Variants in ZFHX3 observed in about 807,000 individuals in gnomAD.
ZFHX3 encodes the protein zinc finger homeobox protein 3.
In ZFHX3, 42 loss-of-function variants were observed where a neutral mutation model predicts 279.1. The ratio of observed to expected loss-of-function variants is 0.15; its 90% CI spans 0.12 to 0.19. ZFHX3 has a LOEUF of 0.19. Among genes scored for constraint, ZFHX3 ranks in the 10% least tolerant of loss-of-function variants. ZFHX3 has a pLI of 1.00. For missense variants in ZFHX3, 4,981 were observed against 4,754.0 expected (o/e 1.05, Z -1.40); for synonymous variants, 2,293 against 1,957.8 (o/e 1.17, Z -4.52).
intron 7 of ZFHX3, chr16:73,099,245 A>G (rs1782857165): frequency 6.6e-6 from 1 of 152,214 alleles, no homozygotes; most frequent in Non-Finnish European, 1.5e-5. Context: ...CCTCTTATCT[A>G]TGTGTTCACA....
At chr16:72,841,744 C>T (rs2037350938) in intron 4 of ZFHX3, among the ~76,000 whole-genome samples, 1 of 152,192 alleles carries the variant, frequency 6.6e-6, no homozygotes, top group African/African-American at 2.4e-5. Context: ...GTTTCTCAGA[C>T]CTAAGAACAG....
intron 7 of ZFHX3, among the ~76,000 whole-genome samples, chr16:73,121,692 T>C (rs1012848423): frequency 9.3e-5 from 14 of 151,264 alleles, no homozygotes; most frequent in Admixed American, 8.6e-4. Flanking sequence ...CTCGGCTCAC[T>C]GCAAGCTCTG....
In ZFHX3 at chr16:72,811,967, T is replaced by C. The variant is rs1458605714; in HGVS notation, c.3601A>G (p.Ser1201Gly). The C allele has an allele frequency of 6.2e-7, 1 of 1,614,184 alleles. No individual in the cohort carries two copies. Among genetic ancestry groups the C allele is most frequent in the South Asian group, 1.1e-5 (1 of 91,086 alleles). ...ATSKRISFPG[S>G]SESPLSSKRP... Reference sequence around the variant, plus strand: ...TTCGAAGAGAGGGGAGACTCTGAGCTACCTGGGAAGGAGATGCGTTTGGAG... The same window carrying C: ...TTCGAAGAGAGGGGAGACTCTGAGCCACCTGGGAAGGAGATGCGTTTGGAG... Residue 1201 changes from serine to glycine, a missense_variant, in exon 6 of 10, where the codon AGC becomes GGC. Around this residue, in one of 7 missense-constraint regions of ZFHX3, gnomAD observed 1,751 missense variants for 1,770.0 expected, o/e 0.99. Transcript: ENST00000268489.
At chr16:73,516,703 T>G (rs1003694649) in intron 2 of ZFHX3, among the ~76,000 whole-genome samples, 1 of 152,176 alleles carries the variant, frequency 6.6e-6, no homozygotes, top group African/African-American at 2.4e-5. Flanking sequence ...TCCATTGATT[T>G]TCATCACATG....
intron 5 of ZFHX3, among the ~76,000 whole-genome samples, chr16:73,162,184 G>T (rs970184612): frequency 2.6e-5 from 4 of 152,206 alleles, no homozygotes; most frequent in South Asian, 2.1e-4. Flanking sequence ...GTGAGCAAAG[G>T]TTCGTCTGTA....
intron 1 of ZFHX3, among the ~76,000 whole-genome samples, chr16:73,888,036 G>C (rs1450614589): frequency 2.0e-5 from 3 of 152,124 alleles, no homozygotes; most frequent in African/African-American, 7.2e-5. Context: ...CCCAGGAAGT[G>C]GATGCAACGG....
chr16:72,815,223 C>T (rs2036571690), intron 5 of ZFHX3, among the ~76,000 whole-genome samples: 1 of 152,072 alleles, frequency 6.6e-6, no homozygotes, highest in African/African-American at 2.4e-5. Context: ...GCCTAGGCAA[C>T]ATGGTGAAAC....
At chr16:72,982,391 T>C (rs543363018) in intron 1 of ZFHX3, among the ~76,000 whole-genome samples, 1 of 152,306 alleles carries the variant, frequency 6.6e-6, no homozygotes, top group Middle Eastern at 3.4e-3. Context: ...TGTGGTGCTC[T>C]TGGCTCCATG....
chr16:73,087,982 C>A (rs1262450316), intron 8 of ZFHX3, among the ~76,000 whole-genome samples: 2 of 152,080 alleles, frequency 1.3e-5, no homozygotes, highest in Non-Finnish European at 2.9e-5. Flanking sequence ...GCATCCACCA[C>A]CACGCCTGGC....
rs1263488967 is a variant in ZFHX3 at position 73,146,167 on chromosome 16, C to T, written c.-1103-2336G>A. 3.3e-5 allele frequency among the ~76,000 whole-genome samples: 5 copies of T among 152,276 alleles called. No homozygotes were observed. The East Asian group carries it at 5.8e-4, about 18-fold the overall frequency. ...GATCTGGGCCGGGTGCGGTGACTCA[C>T]GCCTAGAATCCCAGCACTTTGGGAG... On this transcript the variant is annotated intron_variant, in intron 5 of 17. Coordinates refer to the ZFHX3 transcript ENST00000641206.
At chr16:72,941,104 T>C (rs1960390048) in intron 3 of ZFHX3, among the ~76,000 whole-genome samples, 1 of 152,220 alleles carries the variant, frequency 6.6e-6, no homozygotes, top group African/African-American at 2.4e-5. Flanking sequence ...AAGTTGCTGG[T>C]GACCGAACCA....
chr16:73,791,118 C>T (rs1177822621), intron 1 of ZFHX3, among the ~76,000 whole-genome samples: 2 of 152,124 alleles, frequency 1.3e-5, no homozygotes, highest in East Asian at 1.9e-4. Context: ...GTTTGCACCA[C>T]CACACCTGGC....
intron 2 of ZFHX3, among the ~76,000 whole-genome samples, chr16:73,529,812 T>G (rs1179030282): frequency 6.6e-6 from 1 of 152,176 alleles, no homozygotes; most frequent in Non-Finnish European, 1.5e-5. Flanking sequence ...GATGCACCTG[T>G]TTCTCCGTGG....
At chr16:73,175,932 C>T (rs1967653694) in intron 5 of ZFHX3, among the ~76,000 whole-genome samples, 1 of 152,122 alleles carries the variant, frequency 6.6e-6, no homozygotes, top group South Asian at 2.1e-4. Context: ...TAATCTTATC[C>T]AGCACAAGGA....
chr16:73,399,067 G>A (rs1471644813), intron 3 of ZFHX3, among the ~76,000 whole-genome samples: 3 of 145,980 alleles, frequency 2.1e-5, no homozygotes, highest in East Asian at 2.0e-4. Flanking sequence ...TAGTAGAATC[G>A]GGGTTTCGCC....
chr16:73,405,931 C>T (rs777931791), intron 3 of ZFHX3, among the ~76,000 whole-genome samples: 1 of 152,248 alleles, frequency 6.6e-6, no homozygotes, highest in Non-Finnish European at 1.5e-5. Flanking sequence ...TAAATCTTTT[C>T]TTGGCCCCAG....
At chr16:73,362,424 A>G (rs1394589430) in intron 3 of ZFHX3, among the ~76,000 whole-genome samples, 1 of 152,184 alleles carries the variant, frequency 6.6e-6, no homozygotes, top group African/African-American at 2.4e-5. Context: ...GAGTGTCTCT[A>G]TCTAATTCAC....
At chr16:73,726,799 TC>T (rs753773841) in intron 1 of ZFHX3, among the ~76,000 whole-genome samples, 5 of 152,088 alleles carry the variant, frequency 3.3e-5, no homozygotes, top group Admixed American at 1.3e-4. Flanking sequence ...GGGACCCACC[TC>T]CCACCAGGCC....
chr16:73,141,511 T>C lies in ZFHX3; in HGVS notation c.-1024+2241A>G, dbSNP rs188196841. On this transcript the variant is annotated intron_variant, in intron 6 of 17. Transcript: ENST00000641206. ...CTCCTGGGCTCAAGGGATACTCCCA[T>C]CTCAGTCTCCCGAGTAGCAGGGACT... is the stretch of plus-strand genomic sequence containing the variant. 1.1e-3 allele frequency among the ~76,000 whole-genome samples: 162 copies of C among 151,846 alleles called. 1 individual carries two copies. The highest frequency in any genetic ancestry group is 3.8e-3 in the African/African-American group (156 of 41,408).
Sources: gnomAD v4.1 joint callset for allele counts (sites outside exome capture counted in the v4.1 genomes callset) on GRCh38, gnomAD v4.1.1 for gene constraint, gnomAD v4.1.1 regional missense constraint, MANE v1.5 for transcripts, NCBI Gene and HGNC (gene_info 2026-07-23, HGNC 2026-07-21) for gene names.